CLYBL: variants seen among roughly 807,000 people sequenced by gnomAD.
The protein encoded by CLYBL is citramalyl-CoA lyase, also known as citramalyl-CoA lyase, mitochondrial.
A neutral mutation model predicts 38.9 loss-of-function variants in CLYBL; 31 were observed. That is an observed-to-expected ratio of 0.80 (90% CI 0.60 to 1.08). The LOEUF (loss-of-function observed/expected upper bound fraction) is 1.08. Among genes scored for constraint, CLYBL ranks in the 50% least tolerant of loss-of-function variants. The probability of loss-of-function intolerance (pLI) is 0.00; values close to 1 mark genes in which losing one functional copy is unlikely to be tolerated. For missense variants in CLYBL, 434 were observed against 411.6 expected (o/e 1.05, Z -0.47); for synonymous variants, 171 against 158.6 (o/e 1.08, Z -0.59).
intron 1 of CLYBL, among the ~76,000 whole-genome samples, chr13:99,717,628 T>C (rs1171062565): frequency 6.6e-6 from 1 of 151,518 alleles, no homozygotes; most frequent in Non-Finnish European, 1.5e-5. Flanking sequence ...CCTGGCTAAT[T>C]TTTGTATTTT....
At chr13:99,641,405 C>T (rs1373016627) in intron 1 of CLYBL, among the ~76,000 whole-genome samples, 4 of 152,164 alleles carry the variant, frequency 2.6e-5, no homozygotes, top group Non-Finnish European at 5.9e-5. Context: ...TGCAGTGGCT[C>T]ACGCCTGTAA....
At chr13:99,773,733 C>G (rs1440815402) in intron 2 of CLYBL, among the ~76,000 whole-genome samples, 1 of 152,126 alleles carries the variant, frequency 6.6e-6, no homozygotes, top group Non-Finnish European at 1.5e-5. Flanking sequence ...GAAGTTCTTT[C>G]TTCTTCTTAC....
At chr13:99,826,902 C>T (rs559267720) in intron 2 of CLYBL, among the ~76,000 whole-genome samples, 53 of 152,272 alleles carry the variant, frequency 3.5e-4, no homozygotes, top group Middle Eastern at 3.4e-3. Context: ...GTGGGACTCA[C>T]GTTGTAAGCT....
rs905566639 is a variant in CLYBL, at chr13:99,891,455, AGTGGG to A, written c.*24+21_*24+25del. On this transcript the variant is annotated intron_variant, in intron 8 of 8. Coordinates refer to ENST00000339105, the MANE Select transcript of CLYBL (RefSeq NM_206808.5). ...GTCATCAGGTGGGCTGAACATATAC[AGTGGG>A]GTTCTTAAAGACAAACCACAATACT... The A allele has an allele frequency of 7.0e-7, 1 of 1,427,178 alleles. No individual in the cohort carries two copies. Among genetic ancestry groups the A allele is most frequent in the Non-Finnish European group, 9.9e-7 (1 of 1,010,698 alleles). The allele number at this position is 1,427,178 out of a possible 1,614,324, so 88.4% of individuals were successfully genotyped here.
chr13:99,781,131 T>A (rs11617836), intron 2 of CLYBL, among the ~76,000 whole-genome samples: 9 of 150,214 alleles, frequency 6.0e-5, no homozygotes, highest in East Asian at 1.9e-4. Context: ...CCTTTTAAAA[T>A]ATATATATAT....
At chr13:99,767,556 C>T (rs762848510) in intron 1 of CLYBL, among the ~76,000 whole-genome samples, 2 of 152,204 alleles carry the variant, frequency 1.3e-5, no homozygotes, top group Non-Finnish European at 2.9e-5. Context: ...TTTTCTCTCT[C>T]CTTATCCTTC....
At chr13:99,767,843 C>G (rs563924915) in intron 1 of CLYBL, among the ~76,000 whole-genome samples, 1 of 152,154 alleles carries the variant, frequency 6.6e-6, no homozygotes, top group Non-Finnish European at 1.5e-5. Flanking sequence ...TTTGTTCATA[C>G]GTCATTATCT....
chr13:99,626,719 C>G (rs2046874955), intron 1 of CLYBL, among the ~76,000 whole-genome samples: 1 of 152,120 alleles, frequency 6.6e-6, no homozygotes, highest in Non-Finnish European at 1.5e-5. Context: ...CTTCCTACAT[C>G]TGCAGTTAAT....
In CLYBL at chr13:99,891,323, C is replaced by T. The variant is rs2052483819; in HGVS notation, c.933C>T (p.Ala311=). The part of the protein sequence containing the change: ...FKEHQQLGKG[A]FTFQGSMIDM... The stretch of plus-strand genomic sequence containing the variant: ...TTGTATTCTCTGTTTTCCAGGGGGC[C>T]TTTACTTTCCAAGGGAGTATGATCG... The change falls in exon 8 of 9, where the codon GCC becomes GCT. Residue 311 remains alanine (A), a synonymous_variant. Transcript: ENST00000339105. The T allele has an allele frequency of 6.2e-7, 1 of 1,612,068 alleles. No homozygotes were observed. Among genetic ancestry groups the T allele is most frequent in the Non-Finnish European group, 8.5e-7 (1 of 1,178,412 alleles).
At chr13:99,743,055 T>C (rs1427903457) in intron 1 of CLYBL, among the ~76,000 whole-genome samples, 1 of 151,904 alleles carries the variant, frequency 6.6e-6, no homozygotes, top group Non-Finnish European at 1.5e-5. Context: ...TTTTTCTTTT[T>C]TTTTTTTCTT....
At chr13:99,854,947 C>T (rs2051423368) in intron 2 of CLYBL, among the ~76,000 whole-genome samples, 1 of 152,120 alleles carries the variant, frequency 6.6e-6, no homozygotes, top group African/African-American at 2.4e-5. Context: ...CACGAAATAT[C>T]GATTGAATGC....
At chr13:99,737,457 A>G (rs1338962917) in intron 1 of CLYBL, among the ~76,000 whole-genome samples, 1 of 152,226 alleles carries the variant, frequency 6.6e-6, no homozygotes, top group Non-Finnish European at 1.5e-5. Context: ...GAGGTTAAGT[A>G]ACATGCTTAG....
intron 2 of CLYBL, among the ~76,000 whole-genome samples, chr13:99,796,300 T>C (rs182821779): frequency 9.1e-4 from 138 of 152,208 alleles, no homozygotes; most frequent in African/African-American, 2.9e-3. Context: ...TGGAGGACAG[T>C]GGCCTCCTTG....
At chr13:99,733,908 A>G (rs1432078688) in intron 1 of CLYBL, among the ~76,000 whole-genome samples, 1 of 152,190 alleles carries the variant, frequency 6.6e-6, no homozygotes, top group Non-Finnish European at 1.5e-5. Context: ...CAAATCTTTC[A>G]CCAGATGTTG....
chr13:99,799,197 T>A (rs2050080099), intron 2 of CLYBL, among the ~76,000 whole-genome samples: 1 of 152,184 alleles, frequency 6.6e-6, no homozygotes, highest in Non-Finnish European at 1.5e-5. Context: ...TTTCAGTTAT[T>A]ATTAAACTCT....
At chr13:99,737,430 T>C (rs1446128946) in intron 1 of CLYBL, among the ~76,000 whole-genome samples, 3 of 152,222 alleles carry the variant, frequency 2.0e-5, no homozygotes, top group Non-Finnish European at 2.9e-5. Context: ...ACTCCTAATA[T>C]GAATCTGGGA....
intron 1 of CLYBL, among the ~76,000 whole-genome samples, chr13:99,685,638 C>T (rs1422136242): frequency 6.6e-6 from 1 of 152,054 alleles, no homozygotes; most frequent in Non-Finnish European, 1.5e-5. Context: ...AGAGGATGGC[C>T]TTAAGGTTTG....
intron 2 of CLYBL, among the ~76,000 whole-genome samples, chr13:99,812,846 G>T (rs1194672020): frequency 2.6e-5 from 4 of 152,202 alleles, no homozygotes; most frequent in Non-Finnish European, 5.9e-5. Flanking sequence ...GGAGACAAGT[G>T]GGGCCAAGGG....
At chr13:99,794,370 A>C (rs921817943) in intron 2 of CLYBL, among the ~76,000 whole-genome samples, 1 of 152,112 alleles carries the variant, frequency 6.6e-6, no homozygotes, top group African/African-American at 2.4e-5. Context: ...CAGTGAGCCA[A>C]GATTGCACCA....
Sources: gnomAD v4.1 joint callset for allele counts (sites outside exome capture counted in the v4.1 genomes callset) on GRCh38, gnomAD v4.1.1 for gene constraint, MANE v1.5 for transcripts, NCBI Gene and HGNC (gene_info 2026-07-23, HGNC 2026-07-21) for gene names.